Variants in SLC25A21 observed in about 807,000 individuals in gnomAD.
SLC25A21 encodes the protein mitochondrial 2-oxodicarboxylate carrier.
In SLC25A21, 47 loss-of-function variants were observed where a neutral mutation model predicts 43.8. The ratio of observed to expected loss-of-function variants is 1.07; its 90% CI spans 0.85 to 1.37. SLC25A21 has a LOEUF of 1.37. Among genes scored for constraint, SLC25A21 ranks in the 40% most tolerant of loss-of-function variants. SLC25A21 has a pLI of 0.00. For synonymous variants in SLC25A21, 131 were observed against 121.3 expected, an observed-to-expected ratio of 1.08 and a Z score of -0.52; for missense variants, 352 against 350.2, an observed-to-expected ratio of 1.00 and a Z score of -0.04.
intron 1 of SLC25A21, among the ~76,000 whole-genome samples, chr14:37,039,862 A>G (rs1447253126): frequency 6.6e-6 from 1 of 152,084 alleles, no homozygotes; most frequent in African/African-American, 2.4e-5. Flanking sequence ...ATCAGACTTG[A>G]GGCTAAGCTT....
intron 1 of SLC25A21, among the ~76,000 whole-genome samples, chr14:36,974,725 T>C (rs12433656): frequency 0.12 from 18,938 of 152,122 alleles, 1,382 homozygotes; most frequent in South Asian, 0.23. Flanking sequence ...AGCTATAATA[T>C]ATATGTCAAG....
At chr14:36,746,331 G>A (rs1885494755) in intron 3 of SLC25A21, among the ~76,000 whole-genome samples, 1 of 151,652 alleles carries the variant, frequency 6.6e-6, no homozygotes, top group South Asian at 2.1e-4. Flanking sequence ...ATCCTAAAGT[G>A]GGATGACTTA....
intron 1 of SLC25A21, among the ~76,000 whole-genome samples, chr14:37,135,844 A>C (rs1829127960): frequency 6.6e-6 from 1 of 152,220 alleles, no homozygotes. Context: ...TTTCCTAATT[A>C]AATGAAATTG....
At chr14:37,019,574 A>G (rs181613176) in intron 1 of SLC25A21, among the ~76,000 whole-genome samples, 1 of 151,970 alleles carries the variant, frequency 6.6e-6, no homozygotes, top group African/African-American at 2.4e-5. Context: ...TTCAGCATAT[A>G]GCATTAAGTC....
chr14:36,679,016 A>C lies in SLC25A21; in HGVS notation c.*1642T>G. On this transcript the variant is annotated 3_prime_UTR_variant, in exon 10 of 10. Coordinates refer to ENST00000331299, the MANE Select transcript of SLC25A21 (RefSeq NM_030631.4). ...CATAGATGGTAAAAGTGTTGCTTTT[A>C]AACTGGCAAATGCACTCTTCAGAAA... 1.2e-6 allele frequency: 1 copy of C among 864,530 alleles called. No homozygotes were observed. Among genetic ancestry groups the C allele is most frequent in the Non-Finnish European group, 1.3e-6 (1 of 778,488 alleles). The allele number at this position is 864,530 out of a possible 1,614,324, so 53.6% of individuals were successfully genotyped here.
At chr14:37,171,561 T>C (rs530267947) in intron 1 of SLC25A21, among the ~76,000 whole-genome samples, 1 of 152,312 alleles carries the variant, frequency 6.6e-6, no homozygotes, top group Non-Finnish European at 1.5e-5. Flanking sequence ...AACCAAATCA[T>C]AATTTATATT....
Position 36,753,147 on chromosome 14 carries a change from G to A in SLC25A21, c.204-18574C>T, listed in dbSNP as rs73262697. On this transcript the variant is annotated intron_variant, in intron 3 of 9. Coordinates refer to ENST00000331299, the MANE Select transcript of SLC25A21 (RefSeq NM_030631.4). ...ATGAAAAGTTCTGGAGGTGAATGAC[G>A]GTGATGGTTGCACAACAGTGTGAAT... Among the ~76,000 whole-genome samples, 222 of 152,204 alleles carry A rather than the reference G, an allele frequency of 1.5e-3. 1 individual carries two copies. The highest frequency in any genetic ancestry group is 5.0e-3 in the African/African-American group (207 of 41,526).
At chr14:37,015,630 A>C (rs1025976694) in intron 1 of SLC25A21, among the ~76,000 whole-genome samples, 17 of 151,416 alleles carry the variant, frequency 1.1e-4, no homozygotes, top group Non-Finnish European at 1.6e-4. Context: ...GACTTCCACA[A>C]TGGTTGAACT....
chr14:36,998,852 C>T (rs72667360), intron 1 of SLC25A21, among the ~76,000 whole-genome samples: 16,070 of 152,060 alleles, frequency 0.11, 1,048 homozygotes, highest in African/African-American at 0.18. Flanking sequence ...AACAATGAGA[C>T]AGCATTACAC....
chr14:36,774,710 C>T (rs1383278131), intron 3 of SLC25A21, among the ~76,000 whole-genome samples: 1 of 152,082 alleles, frequency 6.6e-6, no homozygotes, highest in African/African-American at 2.4e-5. Context: ...GGATGACAGG[C>T]ATGTGCCACC....
intron 1 of SLC25A21, among the ~76,000 whole-genome samples, chr14:37,117,214 A>T (rs1963121881): frequency 6.6e-6 from 1 of 152,168 alleles, no homozygotes; most frequent in Non-Finnish European, 1.5e-5. Context: ...CTGTGAATGG[A>T]GTCTAAGTAA....
intron 1 of SLC25A21, among the ~76,000 whole-genome samples, chr14:36,928,441 T>G (rs1053047033): frequency 3.3e-5 from 5 of 152,206 alleles, no homozygotes; most frequent in Non-Finnish European, 5.9e-5. Context: ...AGTGATTTTT[T>G]TTTTGTTTTG....
At chr14:36,776,510 A>G (rs1305051691) in intron 3 of SLC25A21, among the ~76,000 whole-genome samples, 2 of 151,750 alleles carry the variant, frequency 1.3e-5, no homozygotes, top group East Asian at 1.9e-4. Flanking sequence ...ACAAAGTGCT[A>G]GGATTACAAG....
At chr14:36,906,527 GATGGAGTCTC>G (rs1891540003) in intron 1 of SLC25A21, among the ~76,000 whole-genome samples, 1 of 147,916 alleles carries the variant, frequency 6.8e-6, no homozygotes, top group African/African-American at 2.5e-5. Context: ...TTTTTTTTTA[GATGGAGTCTC>G]ACTCTGTCGC....
intron 3 of SLC25A21, among the ~76,000 whole-genome samples, chr14:36,807,950 T>C (rs1411863024): frequency 6.6e-6 from 1 of 152,150 alleles, no homozygotes; most frequent in Non-Finnish European, 1.5e-5. Flanking sequence ...CTCGAGCTCA[T>C]AAAACGAGGC....
At chr14:36,685,049 C>A in intron 7 of SLC25A21, 124 bp from the exon 8 acceptor site, 3 of 655,522 alleles carry the variant, frequency 4.6e-6, no homozygotes, top group South Asian at 3.2e-5. Flanking sequence ...GTTATTCCAG[C>A]GGAACACATT....
chr14:37,105,279 G>A (rs1378299649), intron 1 of SLC25A21, among the ~76,000 whole-genome samples: 1 of 152,196 alleles, frequency 6.6e-6, no homozygotes, highest in Non-Finnish European at 1.5e-5. Context: ...ATAAGAAAGT[G>A]TTAGATTTGA....
chr14:36,887,347 G>C (rs1255173696), intron 1 of SLC25A21, among the ~76,000 whole-genome samples: 1 of 151,904 alleles, frequency 6.6e-6, no homozygotes, highest in Non-Finnish European at 1.5e-5. Flanking sequence ...CAGATCATGG[G>C]AGCTCAGGAG....
At chr14:36,917,391 C>T (rs1891859462) in intron 1 of SLC25A21, among the ~76,000 whole-genome samples, 1 of 152,108 alleles carries the variant, frequency 6.6e-6, no homozygotes, top group Non-Finnish European at 1.5e-5. Flanking sequence ...TCCTGAATGC[C>T]ATCTGGGTGC....
Sources: gnomAD v4.1 joint callset for allele counts (sites outside exome capture counted in the v4.1 genomes callset) on GRCh38, gnomAD v4.1.1 for gene constraint, MANE v1.5 for transcripts, NCBI Gene and HGNC (gene_info 2026-07-23, HGNC 2026-07-21) for gene names.